The following ABCA13 variants were observed in gnomAD, a reference collection of about 807,000 sequenced individuals.
The protein encoded by ABCA13 is ATP-binding cassette sub-family A member 13.
Under a neutral mutation model 478.7 loss-of-function variants are expected in ABCA13, and 476 were observed. The ratio of observed to expected loss-of-function variants is 0.99; its 90% CI spans 0.92 to 1.07. The LOEUF (loss-of-function observed/expected upper bound fraction) is 1.07, where lower values mean the gene tolerates loss of function less well. Among genes scored for constraint, ABCA13 ranks in the 50% least tolerant of loss-of-function variants. The probability of loss-of-function intolerance (pLI) is 0.00; values close to 1 mark genes in which losing one functional copy is unlikely to be tolerated. For synonymous variants in ABCA13, 2,252 were observed against 2,158.9 expected, an observed-to-expected ratio of 1.04 and a Z score of -1.20; for missense variants, 6,060 against 5,910.6, an observed-to-expected ratio of 1.03 and a Z score of -0.83.
At chr7:48,190,378 T>A (rs1451695085) in intron 1 of ABCA13, among the ~76,000 whole-genome samples, 35 of 152,222 alleles carry the variant, frequency 2.3e-4, no homozygotes, top group Non-Finnish European at 1.6e-4. Flanking sequence ...TGTAATCAAC[T>A]ATAATAGAGT....
chr7:48,332,750 G>C (rs967845556), intron 27 of ABCA13, among the ~76,000 whole-genome samples: 4 of 152,148 alleles, frequency 2.6e-5, no homozygotes, highest in Non-Finnish European at 5.9e-5. Context: ...CTTACGTCGT[G>C]ATAAATGTTA....
chr7:48,309,809 C>A, intron 23 of ABCA13, 138 bp from the exon 24 acceptor site: 1 of 841,630 alleles, frequency 1.2e-6, no homozygotes, highest in East Asian at 2.7e-5. Flanking sequence ...AGTTTGGGCT[C>A]CCCGCATCTG....
chr7:48,358,410 A>T (rs1007505391), intron 31 of ABCA13, among the ~76,000 whole-genome samples: 10 of 151,768 alleles, frequency 6.6e-5, no homozygotes, highest in African/African-American at 2.2e-4. Flanking sequence ...TTTAGTGCCT[A>T]AGGGCCAGTG....
At chr7:48,369,644 A>C (rs1812326286) in intron 32 of ABCA13, among the ~76,000 whole-genome samples, 1 of 152,190 alleles carries the variant, frequency 6.6e-6, no homozygotes, top group South Asian at 2.1e-4. Context: ...TTTGTTGAAT[A>C]GGGTGTCCTT....
At chr7:48,429,819 A>T (rs1209776947) in intron 42 of ABCA13, among the ~76,000 whole-genome samples, 1 of 152,110 alleles carries the variant, frequency 6.6e-6, no homozygotes, top group African/African-American at 2.4e-5. Context: ...TGAGATGATC[A>T]TTTGTTTTTT....
At chr7:48,286,083 A>C (rs1797692876) in intron 19 of ABCA13, among the ~76,000 whole-genome samples, 1 of 152,194 alleles carries the variant, frequency 6.6e-6, no homozygotes, top group Admixed American at 6.5e-5. Context: ...CTTGAATGGA[A>C]GGTGCAGGGA....
At chr7:48,486,140 C>T (rs545757520) in intron 47 of ABCA13, among the ~76,000 whole-genome samples, 4 of 152,152 alleles carry the variant, frequency 2.6e-5, no homozygotes, top group Non-Finnish European at 4.4e-5. Context: ...ATATGCTGCT[C>T]TCTCTAAAAT....
rs765525995 is a variant in ABCA13 at position 48,271,787 on chromosome 7, G to A, written c.2121G>A (p.Arg707=). The A allele has an allele frequency of 6.9e-6, 10 of 1,449,148 alleles. No homozygotes were observed. In the African/African-American group the frequency reaches 1.1e-4, roughly 17 times the overall value. The allele number at this position is 1,449,148 out of a possible 1,614,324, so 89.8% of individuals were successfully genotyped here. A position where few individuals can be genotyped will look rare whatever the true frequency, so the allele number is the denominator to read the frequency against. ...TAAAATAATTCTATTAATATTACAG[G>A]GCTTTAAATTTCACAAAGCACCTTC... ...LLKSPTASIS[R]ALNFTKHLLM... Residue 707 remains arginine (R), a splice_region_variant and synonymous_variant, in exon 17 of 62, where the codon AGG becomes AGA. Coordinates refer to ENST00000435803, the MANE Select transcript of ABCA13 (RefSeq NM_152701.5).
In ABCA13 at chr7:48,335,548, T is replaced by A; in HGVS notation, c.10113+13T>A. On this transcript the variant is annotated intron_variant, in intron 28 of 61. Coordinates refer to ENST00000435803, the MANE Select transcript of ABCA13 (RefSeq NM_152701.5). ...CAACCAGCTGCAGGTGAGTGGTTGG[T>A]CTTTGCCACCGAGGGATGGGGAGCT... The A allele has an allele frequency of 1.2e-6, 2 of 1,606,670 alleles. No individual in the cohort carries two copies. The highest frequency in any genetic ancestry group is 2.2e-5 in the East Asian group (1 of 44,800).
At chr7:48,261,319 C>T (rs1007099377) in intron 15 of ABCA13, among the ~76,000 whole-genome samples, 9 of 152,072 alleles carry the variant, frequency 5.9e-5, no homozygotes, top group Admixed American at 3.3e-4. Context: ...GCTTCCCCGC[C>T]GCTTTTCCTT....
At chr7:48,281,205 T>A in intron 18 of ABCA13, 138 bp from the exon 19 acceptor site, 1 of 691,918 alleles carries the variant, frequency 1.4e-6, no homozygotes, top group Non-Finnish European at 2.5e-6. Flanking sequence ...TTTCTTATGT[T>A]CCTATGAAGA....
intron 1 of ABCA13, among the ~76,000 whole-genome samples, chr7:48,184,457 C>T (rs144609505): frequency 0.92 from 140,301 of 152,008 alleles, 65,506 homozygotes; most frequent in Non-Finnish European, 0.99. Context: ...TTATGACTTT[C>T]GTGTCTTATT....
chr7:48,424,878 T>C (rs1258675176), intron 41 of ABCA13, among the ~76,000 whole-genome samples: 1 of 152,238 alleles, frequency 6.6e-6, no homozygotes, highest in Admixed American at 6.5e-5. Flanking sequence ...AACCTTTATT[T>C]GCCCTCTCTG....
chr7:48,222,902 C>A (rs540945062), intron 5 of ABCA13, among the ~76,000 whole-genome samples: 1 of 151,998 alleles, frequency 6.6e-6, no homozygotes, highest in Non-Finnish European at 1.5e-5. Flanking sequence ...GTAGCCAGAG[C>A]GGAAGTGGGA....
intron 8 of ABCA13, 180 bp downstream of exon 8, chr7:48,234,331 G>T (rs1789624655): frequency 2.7e-6 from 2 of 741,338 alleles, no homozygotes; most frequent in Admixed American, 2.1e-5. Context: ...TTCTAGAAGT[G>T]TCTCTTTCTT....
At chr7:48,593,201 G>T (rs1789934301) in intron 57 of ABCA13, among the ~76,000 whole-genome samples, 1 of 143,372 alleles carries the variant, frequency 7.0e-6, no homozygotes, top group African/African-American at 2.6e-5. Context: ...TTTTGTGTTG[G>T]TATGTTGGTA....
intron 29 of ABCA13, among the ~76,000 whole-genome samples, chr7:48,345,567 C>T (rs905865487): frequency 6.6e-6 from 1 of 152,024 alleles, no homozygotes; most frequent in Non-Finnish European, 1.5e-5. Context: ...CAAGCTAGCT[C>T]ATAGAATAAG....
chr7:48,478,520 C>G (rs1294696618), intron 45 of ABCA13, among the ~76,000 whole-genome samples: 1 of 151,776 alleles, frequency 6.6e-6, no homozygotes, highest in African/African-American at 2.4e-5. Flanking sequence ...TTATCTATCC[C>G]CCAATGAAGT....
chr7:48,460,274 T>C (rs1351591945), intron 43 of ABCA13, among the ~76,000 whole-genome samples: 1 of 152,204 alleles, frequency 6.6e-6, no homozygotes, highest in African/African-American at 2.4e-5. Context: ...CAAACTGGGT[T>C]ACTTAACAGA....
Sources: allele counts gnomAD v4.1 joint callset (sites outside exome capture counted in the v4.1 genomes callset), GRCh38; gene constraint gnomAD v4.1.1; transcripts MANE v1.5; gene names NCBI Gene and HGNC (gene_info 2026-07-23, HGNC 2026-07-21).